The following AP1AR variants were observed in gnomAD, a reference collection of about 807,000 sequenced individuals.
AP1AR encodes the protein adaptor related protein complex 1 associated regulatory protein.
A neutral mutation model predicts 46.3 loss-of-function variants in AP1AR; 29 were observed. The ratio of observed to expected loss-of-function variants is 0.63; its 90% CI spans 0.47 to 0.85. The LOEUF (loss-of-function observed/expected upper bound fraction) is 0.85. Ranked by LOEUF, AP1AR falls within the 40% of genes least tolerant of loss-of-function variation. The pLI is 0.00. For synonymous variants in AP1AR, 122 were observed against 122.9 expected, an observed-to-expected ratio of 0.99 and a Z score of 0.05; for missense variants, 357 against 356.3, an observed-to-expected ratio of 1.00 and a Z score of -0.02.
intron 1 of AP1AR, among the ~76,000 whole-genome samples, chr4:112,251,067 A>T (rs113421024): frequency 6.6e-5 from 10 of 152,322 alleles, no homozygotes; most frequent in South Asian, 2.1e-4. Context: ...ATGCTGTCAG[A>T]GCACTCTTTC....
intron 3 of AP1AR, among the ~76,000 whole-genome samples, chr4:112,255,146 A>G (rs1006203387): frequency 2.6e-5 from 4 of 151,934 alleles, no homozygotes; most frequent in Admixed American, 1.3e-4. Context: ...TTTTTAGTAG[A>G]GACGGGGTTT....
chr4:112,267,003 C>G (rs1452675733), intron 9 of AP1AR, among the ~76,000 whole-genome samples: 2 of 151,774 alleles, frequency 1.3e-5, no homozygotes, highest in African/African-American at 4.8e-5. Flanking sequence ...ATTACTACCC[C>G]CTTGTGGACA....
rs539191856 is a variant in AP1AR at position 112,264,063 on chromosome 4, C to G, written c.382-946C>G. ...CTATGTGAACTGTGTCCTTCTCCCC[C>G]CAACTTTCCTTCATTTTTTTCCCTC... On this transcript the variant is annotated intron_variant, in intron 6 of 9. Transcript: ENST00000274000. 7.2e-5 allele frequency among the ~76,000 whole-genome samples: 11 copies of G among 152,238 alleles called. No individual in the cohort carries two copies. The East Asian group carries it at 1.9e-3, about 27-fold the overall frequency.
At position 112,268,548 on chromosome 4, in the gene AP1AR, G is replaced by A; in HGVS notation, c.*139G>A. 1.2e-6 allele frequency: 1 copy of A among 817,276 alleles called. No homozygotes were observed. Among genetic ancestry groups the A allele is most frequent in the Non-Finnish European group, 1.8e-6 (1 of 559,278 alleles). 50.6% of individuals were successfully genotyped at this position (817,276 alleles called of 1,614,324 possible). ...TGTAAATGCTTATTTTATTACAAAGGAGTAGGGATGATAGGATCTGAATTG... is the reference window on the plus strand; with the variant it reads ...TGTAAATGCTTATTTTATTACAAAGAAGTAGGGATGATAGGATCTGAATTG... On this transcript the variant is annotated 3_prime_UTR_variant, in exon 10 of 10. Transcript: ENST00000274000.
At chr4:112,241,909 C>A (rs941846931) in intron 1 of AP1AR, among the ~76,000 whole-genome samples, 1 of 151,918 alleles carries the variant, frequency 6.6e-6, no homozygotes, top group Admixed American at 6.6e-5. Context: ...AAATAGCATT[C>A]TTGGGAAGCT....
intron 1 of AP1AR, among the ~76,000 whole-genome samples, chr4:112,232,510 A>G (rs1040524817): frequency 3.3e-5 from 5 of 152,218 alleles, no homozygotes; most frequent in African/African-American, 9.6e-5. Context: ...GGCAACCTGG[A>G]CACACCCTGC....
At chr4:112,240,683 T>G (rs1208107438) in intron 1 of AP1AR, among the ~76,000 whole-genome samples, 1 of 152,200 alleles carries the variant, frequency 6.6e-6, no homozygotes, top group African/African-American at 2.4e-5. Flanking sequence ...GAGGCCTGGC[T>G]CATTCCTCGG....
intron 1 of AP1AR, among the ~76,000 whole-genome samples, chr4:112,248,165 A>G (rs1356563701): frequency 2.6e-5 from 4 of 152,222 alleles, no homozygotes; most frequent in Non-Finnish European, 5.9e-5. Context: ...GAAAGTGAGA[A>G]ATTTTGTAGG....
Position 112,253,266 on chromosome 4 carries a change from C to A in AP1AR, c.132+10C>A. On this transcript the variant is annotated intron_variant, in intron 2 of 9. Transcript: ENST00000274000. ...GCACTTAACAATAGAGGTAAGTAGT[C>A]CTTAATTTGATTGAATTAAAAATGC... 2 of 1,603,724 alleles carry A rather than the reference C, an allele frequency of 1.2e-6. No homozygotes were observed. Among genetic ancestry groups the A allele is most frequent in the Middle Eastern group, 1.7e-4 (1 of 6,000 alleles).
chr4:112,266,328 G>A (rs2110494670), intron 8 of AP1AR, among the ~76,000 whole-genome samples: 1 of 151,516 alleles, frequency 6.6e-6, no homozygotes, highest in Non-Finnish European at 1.5e-5. Context: ...ATATTATCTA[G>A]AGTTAATCAT....
chr4:112,239,430 T>C (rs370502055), intron 1 of AP1AR, among the ~76,000 whole-genome samples: 12 of 152,342 alleles, frequency 7.9e-5, no homozygotes, highest in Admixed American at 5.9e-4. Context: ...ATATTCATTT[T>C]CTTCTCAGTC....
intron 1 of AP1AR, among the ~76,000 whole-genome samples, chr4:112,243,531 C>T (rs1725595670): frequency 6.6e-6 from 1 of 152,142 alleles, no homozygotes; most frequent in African/African-American, 2.4e-5. Flanking sequence ...TACGTTTATC[C>T]CCGCTCACTG....
In AP1AR at chr4:112,270,254, T is replaced by C. The variant is rs1157389074; in HGVS notation, c.*1845T>C. On this transcript the variant is annotated 3_prime_UTR_variant, in exon 10 of 10. Transcript: ENST00000274000. ...TATAAAAAGTACTAGAAATAACTTA[T>C]TCAGCAAATATTGGAATAGTATTTA... 6.6e-6 allele frequency among the ~76,000 whole-genome samples: 1 copy of C among 152,226 alleles called. No individual in the cohort carries two copies. The highest frequency in any genetic ancestry group is 1.9e-4 in the East Asian group (1 of 5,208).
rs1725023842 is a variant in AP1AR at position 112,232,036 on chromosome 4, G to C, written c.-56G>C. The C allele has an allele frequency of 7.5e-7, 1 of 1,334,956 alleles. No individual in the cohort carries two copies. Among genetic ancestry groups the C allele is most frequent in the African/African-American group, 1.5e-5 (1 of 65,404 alleles). The allele number at this position is 1,334,956 out of a possible 1,614,324, so 82.7% of individuals were successfully genotyped here. On this transcript the variant is annotated 5_prime_UTR_variant, in exon 1 of 10. Transcript: ENST00000274000. The stretch of plus-strand genomic sequence containing the variant: ...CGTGCGGATGCAGCTGCCGGGCCTG[G>C]GTTTGGGCATTGAGCGGGAGGAGGA...
intron 1 of AP1AR, among the ~76,000 whole-genome samples, chr4:112,235,289 A>G: frequency 6.6e-6 from 1 of 152,118 alleles, no homozygotes; most frequent in East Asian, 1.9e-4. Context: ...GACCCAATTA[A>G]GTTTTGTTGT....
intron 1 of AP1AR, among the ~76,000 whole-genome samples, chr4:112,246,142 C>T (rs947548602): frequency 6.6e-6 from 1 of 152,126 alleles, no homozygotes; most frequent in African/African-American, 2.4e-5. Flanking sequence ...AATATTACTA[C>T]ACAGTACTTG....
At chr4:112,253,118 CTCT>C in intron 1 of AP1AR, 87 bp from the exon 2 acceptor site, 1 of 932,926 alleles carries the variant, frequency 1.1e-6, no homozygotes, top group Non-Finnish European at 1.6e-6. Flanking sequence ...TTTAAAGTTG[CTCT>C]TGAGGAAATA....
chr4:112,264,289 G>A (rs927783927), intron 6 of AP1AR, among the ~76,000 whole-genome samples: 1 of 152,040 alleles, frequency 6.6e-6, no homozygotes, highest in African/African-American at 2.4e-5. Context: ...GCATCCATAT[G>A]GGTGATTTCC....
chr4:112,243,300 C>G (rs1367952117), intron 1 of AP1AR, among the ~76,000 whole-genome samples: 1 of 152,168 alleles, frequency 6.6e-6, no homozygotes, highest in Non-Finnish European at 1.5e-5. Context: ...TTCTCTTGTA[C>G]TTTCACTCTT....
Sources: gnomAD v4.1 joint callset for allele counts (sites outside exome capture counted in the v4.1 genomes callset) on GRCh38, gnomAD v4.1.1 for gene constraint, MANE v1.5 for transcripts, NCBI Gene and HGNC (gene_info 2026-07-23, HGNC 2026-07-21) for gene names.